NARF: variants seen among roughly 807,000 people sequenced by gnomAD.
NARF encodes iron-only hydrogenase-like protein 2.
A neutral mutation model predicts 48.0 loss-of-function variants in NARF; 41 were observed. The observed-to-expected ratio is 0.85, with a 90% CI of 0.66 to 1.11. NARF has a LOEUF of 1.11. Ranked by LOEUF, NARF falls within the 50% of genes least tolerant of loss-of-function variation. NARF has a pLI of 0.00. For synonymous variants in NARF, 215 were observed against 225.5 expected, an observed-to-expected ratio of 0.95 and a Z score of 0.42; for missense variants, 613 against 590.2, an observed-to-expected ratio of 1.04 and a Z score of -0.40.
In NARF at chr17:82,488,211, G is replaced by T. The variant is rs2044142240; in HGVS notation, c.*54G>T. 2 of 1,590,326 alleles carry T rather than the reference G, an allele frequency of 1.3e-6. No individual in the cohort carries two copies. Among genetic ancestry groups the T allele is most frequent in the African/African-American group, 1.3e-5 (1 of 74,554 alleles). ...TGGGGCCAGAGCCAAGAGCCTCTCA[G>T]TAGAGGGAGGGGCTGCCCTGAGTGG... On this transcript the variant is annotated 3_prime_UTR_variant, in exon 11 of 11. Coordinates refer to ENST00000309794, the MANE Select transcript of NARF (RefSeq NM_012336.4).
At position 82,478,795 on chromosome 17, in the gene NARF, C is replaced by T; in HGVS notation, c.521-5C>T. 1 of 1,612,798 alleles carries T rather than the reference C, an allele frequency of 6.2e-7. No homozygotes were observed. The highest frequency in any genetic ancestry group is 8.5e-7 in the Non-Finnish European group (1 of 1,179,298). ...GAGCTGACCGTGGATCCCTTCTCTC[C>T]CCAGGCTGGGTCCGATACGCCGAGC... On this transcript the variant is annotated splice_region_variant and splice_polypyrimidine_tract_variant and intron_variant, in intron 5 of 10. Coordinates refer to ENST00000309794, the MANE Select transcript of NARF (RefSeq NM_012336.4).
chr17:82,466,039 A>G (rs2043558622), intron 3 of NARF, among the ~76,000 whole-genome samples: 1 of 152,186 alleles, frequency 6.6e-6, no homozygotes, highest in Non-Finnish European at 1.5e-5. Context: ...CAGGTTCGCC[A>G]TGCATACCCG....
At position 82,490,148 on chromosome 17, in the gene NARF, GAGAA is replaced by G. The variant is rs2044172159; in HGVS notation, c.*1994_*1997del. 1 of 152,218 alleles carries G rather than the reference GAGAA, an allele frequency of 6.6e-6. No individual in the cohort carries two copies. 9.4% of individuals were successfully genotyped at this position (152,218 alleles called of 1,614,324 possible). On this transcript the variant is annotated 3_prime_UTR_variant, in exon 11 of 11. Coordinates refer to ENST00000309794, the MANE Select transcript of NARF (RefSeq NM_012336.4). ...TGGCAAAAAATTTTTTTTTAAAAAG[GAGAA>G]AGCAGTTTAACCACAAACAGTGAAA...
intron 2 of NARF, 42 bp downstream of exon 2, chr17:82,460,114 A>C (rs754026392): frequency 6.5e-7 from 1 of 1,538,868 alleles, no homozygotes; most frequent in Non-Finnish European, 9.0e-7. Context: ...AGAGTAAACT[A>C]CTGCTGCTGT....
At chr17:82,476,312 T>C (rs1481935872) in intron 5 of NARF, among the ~76,000 whole-genome samples, 2 of 151,644 alleles carry the variant, frequency 1.3e-5, no homozygotes, top group Admixed American at 1.3e-4. Flanking sequence ...CGGCTAATTT[T>C]TGTATTTTTA....
At position 82,484,457 on chromosome 17, in the gene NARF, C is replaced by T. The variant is rs151068718; in HGVS notation, c.834-356C>T. 25 of 179,672 alleles carry T rather than the reference C, an allele frequency of 1.4e-4. No individual in the cohort carries two copies. The East Asian group carries it at 3.7e-3, about 27-fold the overall frequency. 11.1% of individuals were successfully genotyped at this position (179,672 alleles called of 1,614,324 possible). A position where few individuals can be genotyped will look rare whatever the true frequency, so the allele number is the denominator to read the frequency against. Reference sequence around the variant, plus strand: ...CTGAGGTAGGAGGATCACTTGAGTCCAGGAGGCTGGGGCTGTAGTGAGCTA... The same window carrying T: ...CTGAGGTAGGAGGATCACTTGAGTCTAGGAGGCTGGGGCTGTAGTGAGCTA... On this transcript the variant is annotated intron_variant, in intron 8 of 10. Coordinates refer to ENST00000309794, the MANE Select transcript of NARF (RefSeq NM_012336.4).
chr17:82,488,240 A>G lies in NARF; in HGVS notation c.*83A>G. The G allele has an allele frequency of 6.5e-7, 1 of 1,530,678 alleles. No homozygotes were observed. Among genetic ancestry groups the G allele is most frequent in the Non-Finnish European group, 8.8e-7 (1 of 1,141,278 alleles). The allele number at this position is 1,530,678 out of a possible 1,614,324, so 94.8% of individuals were successfully genotyped here. A position where few individuals can be genotyped will look rare whatever the true frequency, so the allele number is the denominator to read the frequency against. On this transcript the variant is annotated 3_prime_UTR_variant, in exon 11 of 11. Coordinates refer to ENST00000309794, the MANE Select transcript of NARF (RefSeq NM_012336.4). ...AGGGAGGGGCTGCCCTGAGTGGAGT[A>G]TTAAAGACACTTAAGAAAACCGCTC...
intron 4 of NARF, among the ~76,000 whole-genome samples, chr17:82,470,928 C>G (rs529952628): frequency 8.6e-4 from 131 of 151,822 alleles, no homozygotes; most frequent in African/African-American, 2.7e-3. Flanking sequence ...TTTGGGAGGC[C>G]GAGGGGGCAG....
In NARF at chr17:82,488,136, CA is replaced by C. The variant is rs771247349; in HGVS notation, c.1351del (p.Ser451AlafsTer39). The C allele has an allele frequency of 1.2e-6, 2 of 1,613,890 alleles. No homozygotes were observed. Among genetic ancestry groups the C allele is most frequent in the South Asian group, 2.2e-5 (2 of 91,080 alleles). On this transcript the variant is annotated frameshift_variant, in exon 11 of 11. Transcript: ENST00000309794. LOFTEE classifies it high-confidence loss of function. ...ACCAGAGCCAGGAGCGTGGCACACA[CA>C]GCCTGGACATCAAGTGGTGAAGTCA... The part of the protein sequence containing the change: ...TYQSQERGTH[S>X]LDIKW
chr17:82,460,222 T>C (rs1330269331), intron 2 of NARF, 150 bp downstream of exon 2: 4 of 603,898 alleles, frequency 6.6e-6, no homozygotes, highest in Admixed American at 3.2e-5. Flanking sequence ...CCCAGCACTT[T>C]GGGAGGCCGA....
Position 82,488,038 on chromosome 17 carries a change from G to C in NARF, c.1252G>C (p.Val418Leu), listed in dbSNP as rs747946354. 1.9e-6 allele frequency: 3 copies of C among 1,614,168 alleles called. No homozygotes were observed. The highest frequency in any genetic ancestry group is 4.5e-5 in the East Asian group (2 of 44,882). ...GCGGCGTCCGGAGTCCAGTGCACAC[G>C]TGCAGGAGCTGTACCAGGAGTGGCT... ...PVRRPESSAH[V>L]QELYQEWLEG... Residue 418 changes from valine (V) to leucine (L), a missense_variant, in exon 11 of 11, where the codon GTG becomes CTG. Transcript: ENST00000309794.
rs191125673 is a variant in NARF at position 82,479,244 on chromosome 17, G to A, written c.639+326G>A. The A allele has an allele frequency of 4.2e-3, 844 of 199,718 alleles. 14 individuals are homozygous for A. The highest frequency in any genetic ancestry group is 0.019 in the African/African-American group (796 of 42,456). The allele number at this position is 199,718 out of a possible 1,614,324, so 12.4% of individuals were successfully genotyped here. A position where few individuals can be genotyped will look rare whatever the true frequency, so the allele number is the denominator to read the frequency against. On this transcript the variant is annotated intron_variant, in intron 6 of 10. Transcript: ENST00000309794. ...CGGACCTTGCCCAGAGATGCTGCCT[G>A]CCTGCTGTTGGGATGCCTCACCCAA... is the stretch of plus-strand genomic sequence containing the variant.
chr17:82,459,886 TA>T, intron 1 of NARF, 105 bp from the exon 2 acceptor site: 1 of 879,366 alleles, frequency 1.1e-6, no homozygotes, highest in Non-Finnish European at 1.8e-6. Flanking sequence ...ATAAATAAAC[TA>T]AAAGAAAGGA....
At position 82,473,994 on chromosome 17, in the gene NARF, G is replaced by A. The variant is rs375984074; in HGVS notation, c.520+1296G>A. On this transcript the variant is annotated intron_variant, in intron 5 of 10. Transcript: ENST00000309794. Reference sequence around the variant, plus strand: ...AGCCCAGGAGTGTGGGACCAGTCTCGTCAACATAGTGAGACCTCGTCTCTG... The same window carrying A: ...AGCCCAGGAGTGTGGGACCAGTCTCATCAACATAGTGAGACCTCGTCTCTG... Among the ~76,000 whole-genome samples the A allele has an allele frequency of 1.4e-4, 21 of 152,076 alleles. No homozygotes were observed. In the East Asian group the frequency reaches 2.3e-3, roughly 17 times the overall value.
In NARF at chr17:82,484,396, G is replaced by T. The variant is rs115968724; in HGVS notation, c.834-417G>T. The stretch of plus-strand genomic sequence containing the variant: ...TTTAAGCATCTGTGGGGCCAGGCGT[G>T]GTGGCTCACACCTATAATCACAGTA... On this transcript the variant is annotated intron_variant, in intron 8 of 10. Transcript: ENST00000309794. The T allele has an allele frequency of 6.4e-3, 1,032 of 162,488 alleles. 13 individuals are homozygous for T. The highest frequency in any genetic ancestry group is 0.023 in the African/African-American group (960 of 41,850). The allele number at this position is 162,488 out of a possible 1,614,324, so 10.1% of individuals were successfully genotyped here. A position where few individuals can be genotyped will look rare whatever the true frequency, so the allele number is the denominator to read the frequency against.
In NARF at chr17:82,487,677, G is replaced by A. The variant is rs573102623; in HGVS notation, c.1130-239G>A. On this transcript the variant is annotated intron_variant, in intron 10 of 10. Transcript: ENST00000309794. ...GGCAAAACTTCCTTAAGACTATCCC[G>A]GCTGGGTGCGGTGGCTCACGCCAGT... Among the ~76,000 whole-genome samples, 164 of 152,208 alleles carry A rather than the reference G, an allele frequency of 1.1e-3. 1 individual carries two copies. Among genetic ancestry groups the A allele is most frequent in the African/African-American group, 3.8e-3 (156 of 41,518 alleles).
chr17:82,460,145 A>G (rs1414348032), intron 2 of NARF, 73 bp downstream of exon 2: 1 of 1,297,236 alleles, frequency 7.7e-7, no homozygotes, highest in South Asian at 1.2e-5. Flanking sequence ...GGGGGCTCAC[A>G]GCACCGTGCA....
At chr17:82,486,707 C>T (rs566044179) in intron 10 of NARF, among the ~76,000 whole-genome samples, 2 of 152,122 alleles carry the variant, frequency 1.3e-5, no homozygotes, top group South Asian at 4.1e-4. Context: ...GGAGCTGGGG[C>T]CTGAGGAAGG....
intron 7 of NARF, chr17:82,483,282 G>T: frequency 2.7e-6 from 1 of 368,762 alleles, no homozygotes; most frequent in South Asian, 1.9e-5. Context: ...TTGCACCACT[G>T]GACTCCAGCC....
Sources: allele counts gnomAD v4.1 joint callset (sites outside exome capture counted in the v4.1 genomes callset), GRCh38; gene constraint gnomAD v4.1.1; transcripts MANE v1.5; gene names NCBI Gene and HGNC (gene_info 2026-07-23, HGNC 2026-07-21).